Variants in ZNF565 observed in about 807,000 individuals in gnomAD.
ZNF565 encodes zinc finger protein 565.
ZNF565 carries 27 observed loss-of-function variants against 39.4 expected under a neutral mutation model. The observed-to-expected ratio is 0.69, with a 90% confidence interval of 0.51 to 0.95. The LOEUF (loss-of-function observed/expected upper bound fraction) is 0.95. Ranked by LOEUF, ZNF565 falls within the 40% of genes least tolerant of loss-of-function variation. ZNF565 has a pLI of 0.00. For synonymous variants in ZNF565, 185 were observed against 216.6 expected, an observed-to-expected ratio of 0.85 and a Z score of 1.28; for missense variants, 524 against 621.1, an observed-to-expected ratio of 0.84 and a Z score of 1.66.
intron 2 of ZNF565, among the ~76,000 whole-genome samples, chr19:36,201,182 G>C (rs1975951175): frequency 6.6e-6 from 1 of 151,980 alleles, no homozygotes; most frequent in African/African-American, 2.4e-5. Flanking sequence ...TGTGGCTCTG[G>C]TCCTAGCTAC....
At chr19:36,188,444 G>A (rs951039637) in intron 4 of ZNF565, among the ~76,000 whole-genome samples, 11 of 151,924 alleles carry the variant, frequency 7.2e-5, no homozygotes, top group Non-Finnish European at 1.2e-4. Context: ...GCATGTGGTA[G>A]GTCATGCCTG....
intron 1 of ZNF565, among the ~76,000 whole-genome samples, chr19:36,243,753 TG>T (rs897360301): frequency 6.7e-6 from 1 of 149,854 alleles, no homozygotes; most frequent in Non-Finnish European, 1.5e-5. Context: ...AGGCTGGGGG[TG>T]GGGGTGGCAC....
At chr19:36,212,671 G>A (rs1976404668) in intron 1 of ZNF565, among the ~76,000 whole-genome samples, 1 of 151,432 alleles carries the variant, frequency 6.6e-6, no homozygotes, top group Non-Finnish European at 1.5e-5. Flanking sequence ...ACATTTTAAA[G>A]TCTTAAATTC....
intron 1 of ZNF565, among the ~76,000 whole-genome samples, chr19:36,223,091 C>T (rs1976922932): frequency 6.6e-6 from 1 of 151,448 alleles, no homozygotes; most frequent in South Asian, 2.1e-4. Flanking sequence ...ACAGGCAGTG[C>T]ACCACCATGC....
At chr19:36,205,786 A>C (rs1976129211) in intron 1 of ZNF565, among the ~76,000 whole-genome samples, 1 of 151,776 alleles carries the variant, frequency 6.6e-6, no homozygotes, top group Non-Finnish European at 1.5e-5. Flanking sequence ...AGATGAATTC[A>C]AAATGTAGAT....
chr19:36,191,183 C>A (rs1292136314), intron 4 of ZNF565, among the ~76,000 whole-genome samples: 2 of 151,328 alleles, frequency 1.3e-5, no homozygotes, highest in Non-Finnish European at 1.5e-5. Context: ...TGCATTTGAC[C>A]CACAGATTGC....
At chr19:36,214,544 A>C (rs1196283161) in intron 1 of ZNF565, 78 bp downstream of exon 1, 3 of 153,374 alleles carry the variant, frequency 2.0e-5, no homozygotes, top group Non-Finnish European at 4.4e-5. Flanking sequence ...GCGCATCCGC[A>C]GCCAGCTCCC....
intron 1 of ZNF565, among the ~76,000 whole-genome samples, chr19:36,212,687 GA>G (rs1976405176): frequency 6.6e-6 from 1 of 151,886 alleles, no homozygotes; most frequent in Non-Finnish European, 1.5e-5. Flanking sequence ...AATTCAAAAT[GA>G]AAAGTAAAGA....
At chr19:36,238,726 A>G (rs1977739297) in intron 1 of ZNF565, 2 of 167,108 alleles carry the variant, frequency 1.2e-5, no homozygotes, top group African/African-American at 2.4e-5. Context: ...TCTATGTAAT[A>G]TGAAATTAAT....
intron 1 of ZNF565, among the ~76,000 whole-genome samples, chr19:36,224,801 G>A (rs1343454550): frequency 6.6e-6 from 1 of 152,040 alleles, no homozygotes; most frequent in Non-Finnish European, 1.5e-5. Flanking sequence ...TACGTGATAC[G>A]TATTCTCGTT....
At chr19:36,240,217 A>G (rs1031004604) in intron 1 of ZNF565, among the ~76,000 whole-genome samples, 11 of 152,220 alleles carry the variant, frequency 7.2e-5, no homozygotes, top group African/African-American at 2.4e-4. Flanking sequence ...TTAATATACA[A>G]CTATTTGGAT....
At chr19:36,187,930 G>A (rs892506673) in intron 4 of ZNF565, among the ~76,000 whole-genome samples, 2 of 151,838 alleles carry the variant, frequency 1.3e-5, no homozygotes, top group South Asian at 2.1e-4. Flanking sequence ...GAGCCACCGC[G>A]CCTGGCCCAG....
rs1447092024 is a variant in ZNF565, at chr19:36,183,535, T to C, written c.431A>G (p.His144Arg). The C allele has an allele frequency of 1.2e-6, 2 of 1,614,118 alleles. No individual in the cohort carries two copies. The highest frequency in any genetic ancestry group is 1.3e-5 in the African/African-American group (1 of 74,950). ...CGTGTGATGCTGGAACACGGGCATA[T>C]GTCCATAGGTGACGTTCACTTGCTT... Reference protein sequence around the residue: ...YFKQVNVTYGHMPVFQHHTSH... With the variant: ...YFKQVNVTYGRMPVFQHHTSH... Residue 144 changes from histidine (H) to arginine (R), a missense_variant, in exon 5 of 5, where the codon CAT (histidine) becomes CGT (arginine). Physicochemically the swap from His to Arg is conservative, Grantham distance 29. Transcript: ENST00000304116.
chr19:36,225,904 G>A (rs10409983), intron 1 of ZNF565, among the ~76,000 whole-genome samples: 39,259 of 151,588 alleles, frequency 0.26, 5,482 homozygotes, highest in African/African-American at 0.37. Flanking sequence ...GGGACTACAG[G>A]CATGTACCAC....
At chr19:36,187,318 G>A (rs935147741) in intron 4 of ZNF565, among the ~76,000 whole-genome samples, 23 of 151,778 alleles carry the variant, frequency 1.5e-4, no homozygotes, top group Admixed American at 1.2e-3. Flanking sequence ...ACACCTAATA[G>A]CCTCCTAATA....
rs1403027642 is a variant in ZNF565, at chr19:36,241,296, C to T, written c.55+4180G>A. 2.6e-5 allele frequency among the ~76,000 whole-genome samples: 4 copies of T among 151,072 alleles called. No individual in the cohort carries two copies. The South Asian group carries it at 6.3e-4, about 24-fold the overall frequency. On this transcript the variant is annotated intron_variant, in intron 1 of 4. Transcript: ENST00000355114. Reference sequence around the variant, plus strand: ...GTCAGGAGTTCGAGACCAGCCTGGCCAGCATGGCAAAACCCCGCCTCTACT... The same window carrying T: ...GTCAGGAGTTCGAGACCAGCCTGGCTAGCATGGCAAAACCCCGCCTCTACT...
chr19:36,217,943 G>A (rs953266535), upstream of ZNF565, among the ~76,000 whole-genome samples: 3 of 152,014 alleles, frequency 2.0e-5, no homozygotes, highest in African/African-American at 7.2e-5. Flanking sequence ...GGCTGTTGGG[G>A]TGGGGGTACT....
intron 2 of ZNF565, among the ~76,000 whole-genome samples, chr19:36,201,128 C>T (rs1277106235): frequency 6.6e-6 from 1 of 152,044 alleles, no homozygotes; most frequent in Non-Finnish European, 1.5e-5. Context: ...ACAGTGAGAC[C>T]TGGTCTCTAC....
intron 1 of ZNF565, among the ~76,000 whole-genome samples, chr19:36,205,794 G>C (rs1976129429): frequency 6.6e-6 from 1 of 151,744 alleles, no homozygotes; most frequent in African/African-American, 2.4e-5. Flanking sequence ...TCAAAATGTA[G>C]ATGAGATTAA....
Sources: allele counts gnomAD v4.1 joint callset (sites outside exome capture counted in the v4.1 genomes callset), GRCh38; gene constraint gnomAD v4.1.1; transcripts MANE v1.5; gene names NCBI Gene and HGNC (gene_info 2026-07-23, HGNC 2026-07-21).